The following TXNDC15 variants were observed in gnomAD, a reference collection of about 807,000 sequenced individuals.
TXNDC15 encodes thioredoxin domain-containing protein 15.
Under a neutral mutation model 35.0 loss-of-function variants are expected in TXNDC15, and 24 were observed. That is an observed-to-expected ratio of 0.68 (90% confidence interval 0.50 to 0.96). TXNDC15 has a LOEUF of 0.96. TXNDC15 is among the 40% of genes least tolerant of loss of function. The pLI is 0.00. For missense variants in TXNDC15, 385 were observed against 453.3 expected (o/e 0.85, Z 1.37); for synonymous variants, 169 against 174.0 (o/e 0.97, Z 0.23).
chr5:134,879,146 T>C (rs564019372), intron 1 of TXNDC15, among the ~76,000 whole-genome samples: 1 of 152,336 alleles, frequency 6.6e-6, no homozygotes, highest in South Asian at 2.1e-4. Flanking sequence ...AGGCATAAGA[T>C]TTTTTTGTTC....
chr5:134,893,639 G>A lies in TXNDC15; in HGVS notation c.739G>A (p.Ala247Thr). The stretch of plus-strand genomic sequence containing the variant: ...AGCTCTTCACTTTTTGGCACTGGAT[G>A]CATCTCAGCACAGCAGGTATCTTCC... ...FPALHFLALD[A>T]SQHSSLSTRF... The change falls in exon 3 of 5, where the codon GCA becomes ACA. Residue 247 changes from alanine (A) to threonine (T), a missense_variant. Physicochemically the swap from Ala to Thr is moderately conservative, Grantham distance 58. Coordinates refer to ENST00000358387, the MANE Select transcript of TXNDC15 (RefSeq NM_024715.4). The A allele has an allele frequency of 6.2e-7, 1 of 1,614,130 alleles. No individual in the cohort carries two copies. The highest frequency in any genetic ancestry group is 1.7e-5 in the Admixed American group (1 of 60,016).
chr5:134,897,471 A>G (rs1036256503), intron 4 of TXNDC15, among the ~76,000 whole-genome samples: 3 of 148,604 alleles, frequency 2.0e-5, no homozygotes, highest in Non-Finnish European at 3.0e-5. Context: ...CTGGTCTTGC[A>G]CTCCTAACCT....
chr5:134,887,708 T>G lies in TXNDC15; in HGVS notation c.117T>G (p.Ser39Arg), dbSNP rs760091057. Residue 39 changes from serine to arginine, a missense_variant, in exon 2 of 5, where the codon AGT becomes AGG. Transcript: ENST00000358387. The stretch of plus-strand genomic sequence containing the variant: ...GGCATGTTTTAGTTGCAGAGGAAAG[T>G]GGTCGCTTATGGTCAGAGGAGCAGC... ...PVRGVEVAEESGRLWSEEQPA... is the reference protein window; with the variant it reads ...PVRGVEVAEERGRLWSEEQPA... 6.4e-7 allele frequency: 1 copy of G among 1,574,698 alleles called. No homozygotes were observed. Among genetic ancestry groups the G allele is most frequent in the Non-Finnish European group, 8.6e-7 (1 of 1,157,964 alleles).
chr5:134,896,376 AC>A lies in TXNDC15; in HGVS notation c.839del (p.Thr280LysfsTer8). The A allele has an allele frequency of 6.2e-7, 1 of 1,614,024 alleles. No individual in the cohort carries two copies. Among genetic ancestry groups the A allele is most frequent in the Non-Finnish European group, 8.5e-7 (1 of 1,179,980 alleles). On this transcript the variant is annotated frameshift_variant, in exon 4 of 5. Coordinates refer to ENST00000358387, the MANE Select transcript of TXNDC15 (RefSeq NM_024715.4). LOFTEE classifies it high-confidence loss of function. ...TAAACCAATGGCCAGATTTAATCAT[AC>A]AGATCGAACACTGGAAACACTGAAA... Reference protein sequence around the residue: ...GAKPMARFNHTDRTLETLKIF... With the variant: ...GAKPMARFNHXDRTLETLKIF...
At chr5:134,897,869 G>T (rs1158475075) in intron 4 of TXNDC15, among the ~76,000 whole-genome samples, 2 of 151,998 alleles carry the variant, frequency 1.3e-5, no homozygotes, top group African/African-American at 4.8e-5. Flanking sequence ...ACTAGCTGGG[G>T]ATGGTGGTGG....
intron 2 of TXNDC15, 145 bp downstream of exon 2, chr5:134,888,327 C>T (rs1750319642): frequency 3.5e-6 from 3 of 864,012 alleles, no homozygotes; most frequent in Admixed American, 5.8e-5. Flanking sequence ...TGAAAATCAA[C>T]TTTGCCCTCT....
chr5:134,886,506 C>T (rs1310291342), intron 1 of TXNDC15, among the ~76,000 whole-genome samples: 2 of 152,234 alleles, frequency 1.3e-5, no homozygotes, highest in African/African-American at 2.4e-5. Flanking sequence ...AATAGATGTA[C>T]GAGACTACCT....
At chr5:134,898,076 C>A (rs758645381) in intron 4 of TXNDC15, among the ~76,000 whole-genome samples, 1 of 152,028 alleles carries the variant, frequency 6.6e-6, no homozygotes, top group Non-Finnish European at 1.5e-5. Flanking sequence ...ACTGCTCCTG[C>A]CTTCCCCAAA....
intron 1 of TXNDC15, among the ~76,000 whole-genome samples, chr5:134,879,640 C>G (rs1319176181): frequency 6.6e-6 from 1 of 152,154 alleles, no homozygotes; most frequent in African/African-American, 2.4e-5. Context: ...CGCCCCTCCA[C>G]CAATTTGGCA....
intron 2 of TXNDC15, among the ~76,000 whole-genome samples, chr5:134,889,745 G>C (rs1421885756): frequency 6.6e-6 from 1 of 152,192 alleles, no homozygotes; most frequent in Non-Finnish European, 1.5e-5. Flanking sequence ...CTACAGGTTT[G>C]GTTCCAGACC....
At chr5:134,874,350 G>C (rs1322917248), upstream of TXNDC15, 5 of 1,294,276 alleles carry the variant, frequency 3.9e-6, no homozygotes, top group Non-Finnish European at 4.1e-6. Flanking sequence ...CGCGCTCCCA[G>C]GCTCTCCTCC....
intron 1 of TXNDC15, among the ~76,000 whole-genome samples, chr5:134,882,583 A>G (rs1316535739): frequency 6.6e-6 from 1 of 152,260 alleles, no homozygotes; most frequent in Admixed American, 6.5e-5. Flanking sequence ...GACTCCTGCA[A>G]TCCCGGCACC....
Position 134,893,569 on chromosome 5 carries a change from T to G in TXNDC15, c.669T>G (p.Ser223=). 2 of 1,614,244 alleles carry G rather than the reference T, an allele frequency of 1.2e-6. No individual in the cohort carries two copies. The highest frequency in any genetic ancestry group is 1.7e-6 in the Non-Finnish European group (2 of 1,180,048). ...TTTACACCCCGTGGTGCCGCTTTTC[T>G]GCCAGTTTGGCCCCTCACTTTAACT... ...VLFYTPWCRF[S]ASLAPHFNSL... is the part of the protein sequence containing the mutation. Residue 223 remains serine (S), a synonymous_variant, in exon 3 of 5, where the codon TCT becomes TCG. Transcript: ENST00000358387.
At chr5:134,891,480 A>T (rs1390758448) in intron 2 of TXNDC15, among the ~76,000 whole-genome samples, 1 of 152,178 alleles carries the variant, frequency 6.6e-6, no homozygotes, top group Non-Finnish European at 1.5e-5. Flanking sequence ...TTTTCTGAGC[A>T]GTAGGTCTCA....
At chr5:134,875,727 T>C (rs917198030) in intron 1 of TXNDC15, among the ~76,000 whole-genome samples, 22 of 152,096 alleles carry the variant, frequency 1.4e-4, no homozygotes, top group African/African-American at 5.1e-4. Context: ...TGGAGTGCAG[T>C]GGCGCGATCT....
In TXNDC15 at chr5:134,875,242, A is replaced by G. The variant is rs117057393; in HGVS notation, c.103+712A>G. On this transcript the variant is annotated intron_variant, in intron 1 of 4. Transcript: ENST00000358387. ...GGCGAGGGTGGAGAGTGGAGGCCTT[A>G]CTTTCATGCTCCTTCACCCCACTCC... The G allele has an allele frequency of 3.0e-3, 1,354 of 456,226 alleles. 36 individuals carry two copies. In the East Asian group the frequency reaches 0.072, roughly 24 times the overall value. The allele number at this position is 456,226 out of a possible 1,614,324, so 28.3% of individuals were successfully genotyped here.
chr5:134,875,330 G>C, intron 1 of TXNDC15: 1 of 456,292 alleles, frequency 2.2e-6, no homozygotes, highest in South Asian at 1.5e-5. Flanking sequence ...AACAGGAATA[G>C]GCAGGTCTTT....
intron 1 of TXNDC15, among the ~76,000 whole-genome samples, chr5:134,882,710 C>T (rs1219554158): frequency 6.6e-6 from 1 of 152,138 alleles, no homozygotes; most frequent in Non-Finnish European, 1.5e-5. Context: ...CGTGGCGGCG[C>T]GCGCCTGCAA....
intron 1 of TXNDC15, among the ~76,000 whole-genome samples, chr5:134,877,625 GAGA>G (rs770148286): frequency 1.9e-3 from 284 of 151,530 alleles, no homozygotes; most frequent in African/African-American, 6.2e-3. Flanking sequence ...TTTTCTTTTT[GAGA>G]AGGAGTCTTG....
Sources: gnomAD v4.1 joint callset for allele counts (sites outside exome capture counted in the v4.1 genomes callset) on GRCh38, gnomAD v4.1.1 for gene constraint, MANE v1.5 for transcripts, NCBI Gene and HGNC (gene_info 2026-07-23, HGNC 2026-07-21) for gene names.